The following PCDH15 variants were observed in gnomAD, a reference collection of about 807,000 sequenced individuals.
PCDH15 encodes the protein protocadherin-15.
In PCDH15, 129 loss-of-function variants were observed where a neutral mutation model predicts 178.5. The observed-to-expected ratio is 0.72, with a 90% CI of 0.63 to 0.84. The LOEUF is 0.84. Ranked by LOEUF, PCDH15 falls within the 40% of genes least tolerant of loss-of-function variation. The probability of loss-of-function intolerance (pLI) is 0.00; values close to 1 mark genes in which losing one functional copy is unlikely to be tolerated. For synonymous variants in PCDH15, 800 were observed against 732.0 expected (o/e 1.09, Z -1.50); for missense variants, 2,230 against 2,099.9 (o/e 1.06, Z -1.21).
intron 3 of PCDH15, among the ~76,000 whole-genome samples, chr10:54,824,491 G>A (rs1953095180): frequency 6.6e-6 from 1 of 152,130 alleles, no homozygotes; most frequent in Non-Finnish European, 1.5e-5. Context: ...TGAGTAGGCA[G>A]GAGGCGCTCT....
chr10:54,309,800 G>GA (rs545518680), intron 8 of PCDH15, among the ~76,000 whole-genome samples: 67 of 146,002 alleles, frequency 4.6e-4, no homozygotes, highest in Middle Eastern at 3.5e-3. Flanking sequence ...CTCAAAAAAA[G>GA]AAAAAAAAAA....
At chr10:54,667,655 A>G (rs886230689) in intron 1 of PCDH15, among the ~76,000 whole-genome samples, 8 of 152,060 alleles carry the variant, frequency 5.3e-5, no homozygotes, top group African/African-American at 1.9e-4. Context: ...TACTTTTACT[A>G]CAAATCCCAC....
At chr10:55,159,641 T>C (rs1839006838) in intron 2 of PCDH15, among the ~76,000 whole-genome samples, 1 of 147,894 alleles carries the variant, frequency 6.8e-6, no homozygotes, top group South Asian at 2.1e-4. Flanking sequence ...AAGAGATATA[T>C]ATAAAGAGAT....
At chr10:54,277,252 G>A (rs993733512) in intron 8 of PCDH15, among the ~76,000 whole-genome samples, 3 of 151,658 alleles carry the variant, frequency 2.0e-5, no homozygotes, top group Non-Finnish European at 3.0e-5. Context: ...CCTAGCATAC[G>A]CTGACTGCTA....
At chr10:55,463,834 G>T (rs1030281180) in intron 2 of PCDH15, among the ~76,000 whole-genome samples, 7 of 150,230 alleles carry the variant, frequency 4.7e-5, no homozygotes, top group Non-Finnish European at 8.9e-5. Flanking sequence ...ATTATTAAAT[G>T]AGATAGGGTG....
At chr10:54,383,315 G>C (rs1949466758) in intron 3 of PCDH15, among the ~76,000 whole-genome samples, 1 of 151,788 alleles carries the variant, frequency 6.6e-6, no homozygotes, top group Non-Finnish European at 1.5e-5. Flanking sequence ...AGTAACCGTT[G>C]ATAACTTTTC....
rs930426602 is a variant in PCDH15 at position 55,024,156 on chromosome 10, G to T, written c.-79-126656C>A. ...ATATATATAGGAAGGAATATATATA[G>T]AGAGAGGAAGGAATATATATAGAGA... On this transcript the variant is annotated intron_variant, in intron 2 of 5. Coordinates refer to the PCDH15 transcript ENST00000458638. Among the ~76,000 whole-genome samples, 16 of 145,582 alleles carry T rather than the reference G, an allele frequency of 1.1e-4. No homozygotes were observed. The East Asian group carries it at 2.8e-3, about 25-fold the overall frequency.
At chr10:54,906,917 T>TA (rs1179782672) in intron 2 of PCDH15, among the ~76,000 whole-genome samples, 2 of 152,148 alleles carry the variant, frequency 1.3e-5, no homozygotes, top group Admixed American at 1.3e-4. Flanking sequence ...ATTACCCTAA[T>TA]AATTGCTGTC....
At chr10:54,881,176 G>C (rs1954256451) in intron 3 of PCDH15, among the ~76,000 whole-genome samples, 1 of 152,014 alleles carries the variant, frequency 6.6e-6, no homozygotes, top group South Asian at 2.1e-4. Context: ...TTTTTCTCCA[G>C]GGTAAAAGGA....
chr10:55,171,622 A>G (rs1181401592), intron 1 of PCDH15, among the ~76,000 whole-genome samples: 6 of 152,156 alleles, frequency 3.9e-5, no homozygotes, highest in Admixed American at 2.6e-4. Context: ...TTGGCATTTG[A>G]CCAAGTTCTT....
chr10:54,730,523 A>G (rs1321716515), intron 1 of PCDH15, among the ~76,000 whole-genome samples: 1 of 151,594 alleles, frequency 6.6e-6, no homozygotes, highest in Non-Finnish European at 1.5e-5. Context: ...GAAAACATGC[A>G]CATGTACCCC....
chr10:54,199,642 A>T (rs896034361), intron 10 of PCDH15, among the ~76,000 whole-genome samples: 3 of 151,324 alleles, frequency 2.0e-5, no homozygotes, highest in Non-Finnish European at 2.9e-5. Flanking sequence ...CTCTGATACA[A>T]TTATCTTTTC....
intron 2 of PCDH15, among the ~76,000 whole-genome samples, chr10:55,142,733 G>C (rs756566195): frequency 2.0e-4 from 31 of 151,224 alleles, no homozygotes; most frequent in Admixed American, 6.6e-5. Flanking sequence ...ATAAAACTCA[G>C]GTTCAGCAAA....
At chr10:55,314,070 G>A (rs1200680605) in intron 1 of PCDH15, among the ~76,000 whole-genome samples, 35 of 151,588 alleles carry the variant, frequency 2.3e-4, no homozygotes, top group Admixed American at 2.3e-3. Flanking sequence ...CCAGTTACTA[G>A]CAGATATAGA....
chr10:53,854,634 C>T (rs183024677), intron 28 of PCDH15, among the ~76,000 whole-genome samples: 2 of 152,052 alleles, frequency 1.3e-5, no homozygotes, highest in African/African-American at 2.4e-5. Flanking sequence ...ATTCCATTAC[C>T]AAATGCTTAA....
chr10:54,631,906 C>T (rs1391048987), intron 2 of PCDH15, among the ~76,000 whole-genome samples: 2 of 152,020 alleles, frequency 1.3e-5, no homozygotes, highest in South Asian at 2.1e-4. Flanking sequence ...ATAGGGGAAA[C>T]CGCCCCCGTG....
intron 15 of PCDH15, among the ~76,000 whole-genome samples, chr10:54,120,559 G>A (rs1564466784): frequency 6.6e-6 from 1 of 152,044 alleles, no homozygotes; most frequent in Admixed American, 6.6e-5. Context: ...ATGAAGTAAA[G>A]TAATGATGCT....
At chr10:54,435,146 G>A (rs2075299502) in intron 3 of PCDH15, among the ~76,000 whole-genome samples, 1 of 152,108 alleles carries the variant, frequency 6.6e-6, no homozygotes, top group Admixed American at 6.6e-5. Context: ...GAGTAGTTAT[G>A]TGATTTCCTC....
At position 54,062,772 on chromosome 10, in the gene PCDH15, GGA is replaced by G. The variant is rs762873470; in HGVS notation, c.2220+3983_2220+3984del. Among the ~76,000 whole-genome samples the G allele has an allele frequency of 5.5e-3, 390 of 71,546 alleles. 3 individuals carry two copies. The highest frequency in any genetic ancestry group is 0.011 in the Non-Finnish European group (327 of 31,006). The allele number at this position is 71,546 out of a possible 152,430, so 46.9% of individuals were successfully genotyped here. A position where few individuals can be genotyped will look rare whatever the true frequency, so the allele number is the denominator to read the frequency against. ...GAACAAAGAATCACTAGGAAAAGCG[GGA>G]AAAAAAAAATAAGAAAAAAAGGAAA... On this transcript the variant is annotated intron_variant, in intron 18 of 37. Coordinates refer to ENST00000644397, the MANE Select transcript of PCDH15 (RefSeq NM_001384140.1).
Sources: allele counts gnomAD v4.1 joint callset (sites outside exome capture counted in the v4.1 genomes callset), GRCh38; gene constraint gnomAD v4.1.1; transcripts MANE v1.5; gene names NCBI Gene and HGNC (gene_info 2026-07-23, HGNC 2026-07-21).